The following CD151 variants were observed in gnomAD, a reference collection of about 807,000 sequenced individuals.
CD151 encodes the protein CD151 molecule (Raph blood group).
Under a neutral mutation model 34.2 loss-of-function variants are expected in CD151, and 20 were observed. That is an observed-to-expected ratio of 0.58 (90% CI 0.41 to 0.85). The LOEUF (loss-of-function observed/expected upper bound fraction) is 0.85. Ranked by LOEUF, CD151 falls within the 40% of genes least tolerant of loss-of-function variation. The probability of loss-of-function intolerance (pLI) is 0.00; values close to 1 mark genes in which losing one functional copy is unlikely to be tolerated. For synonymous variants in CD151, 157 were observed against 131.7 expected, an observed-to-expected ratio of 1.19 and a Z score of -1.32; for missense variants, 306 against 324.5, an observed-to-expected ratio of 0.94 and a Z score of 0.44.
rs759405745 is a variant in CD151 at position 838,191 on chromosome 11, G to A, written c.761G>A (p.Ter254=). ...LYRSLKLEHY[*] Reference sequence around the variant, plus strand: ...AGGAGTCTCAAGCTGGAGCACTACTGACCCTGCCTTGGGCCTTGCTGCTGC... The same window carrying A: ...AGGAGTCTCAAGCTGGAGCACTACTAACCCTGCCTTGGGCCTTGCTGCTGC... The change falls in exon 9 of 9, where the codon TGA becomes TAA. Residue 254 remains the stop codon, a stop_retained_variant. Coordinates refer to ENST00000397420, the MANE Select transcript of CD151 (RefSeq NM_004357.5). The A allele has an allele frequency of 8.1e-6, 13 of 1,612,488 alleles. No homozygotes were observed. Among genetic ancestry groups the A allele is most frequent in the Non-Finnish European group, 1.1e-5 (13 of 1,179,426 alleles).
At position 836,396 on chromosome 11, in the gene CD151, T is replaced by C. The variant is rs1846768861; in HGVS notation, c.230T>C (p.Leu77Ser). The change falls in exon 4 of 9, where the codon TTG (leucine) becomes TCG (serine). Residue 77 changes from leucine to serine, a missense_variant. Physicochemically the swap from Leu to Ser is moderately radical, Grantham distance 145 (BLOSUM62 -2). Transcript: ENST00000397420. ...AGTVVMVTGV[L>S]GCCATFKERR... ...ACTGTCGTCATGGTGACTGGGGTCT[T>C]GGGCTGCTGCGCCACCTTCAAGGAG... is the stretch of plus-strand genomic sequence containing the variant. 3.7e-6 allele frequency: 6 copies of C among 1,611,990 alleles called. No homozygotes were observed. The highest frequency in any genetic ancestry group is 1.7e-5 in the Admixed American group (1 of 59,992).
At chr11:837,914 G>C in intron 7 of CD151, 28 bp from the exon 8 acceptor site, 1 of 1,576,652 alleles carries the variant, frequency 6.3e-7, no homozygotes, top group Middle Eastern at 1.7e-4. Flanking sequence ...CCCTGGGCCC[G>C]CCTTCAACAC....
chr11:836,644 G>T, intron 4 of CD151, 125 bp from the exon 5 acceptor site: 1 of 950,898 alleles, frequency 1.1e-6, no homozygotes, highest in Non-Finnish European at 1.6e-6. Flanking sequence ...AAGCTTCAGG[G>T]AGGGTGGCCG....
rs200997452 is a variant in CD151 at position 837,976 on chromosome 11, A to G, written c.650A>G (p.Gln217Arg). 11 of 1,613,302 alleles carry G rather than the reference A, an allele frequency of 6.8e-6. No homozygotes were observed. Among genetic ancestry groups the G allele is most frequent in the Non-Finnish European group, 9.3e-6 (11 of 1,179,864 alleles). The change falls in exon 8 of 9, where the codon CAG (glutamine) becomes CGG (arginine). Residue 217 changes from glutamine (Q) to arginine (R), a missense_variant. By Grantham distance (43) the Gln-to-Arg change is conservative (BLOSUM62 1). Transcript: ENST00000397420. ...ATCACCAAGTTGGAGACCTTCATCC[A>G]GGAGCACCTGAGGGTCATTGGGGCT... ...GCITKLETFI[Q>R]EHLRVIGAVG...
chr11:836,928 C>T, intron 5 of CD151, 85 bp downstream of exon 5: 1 of 1,151,856 alleles, frequency 8.7e-7, no homozygotes, highest in Non-Finnish European at 1.3e-6. Context: ...TGGCTAGCCC[C>T]AACCCCCACC....
intron 2 of CD151, chr11:835,245 A>G (rs1565116560): frequency 6.6e-6 from 1 of 152,292 alleles, no homozygotes; most frequent in Non-Finnish European, 1.5e-5. Flanking sequence ...AGGAAGTGAC[A>G]CGTCCTGTTC....
intron 7 of CD151, 87 bp downstream of exon 7, chr11:837,705 C>A: frequency 7.3e-7 from 1 of 1,364,452 alleles, no homozygotes. Context: ...TGGGACACGC[C>A]TCCAATATCT....
At chr11:833,191 C>T (rs1313360221) in intron 1 of CD151, among the ~76,000 whole-genome samples, 165 bp downstream of exon 1, 12 of 142,888 alleles carry the variant, frequency 8.4e-5, no homozygotes, top group East Asian at 2.3e-4. Flanking sequence ...GCACCCACCG[C>T]CTGGCCCAGC....
At chr11:836,623 G>C in intron 4 of CD151, 146 bp from the exon 5 acceptor site, 1 of 872,546 alleles carries the variant, frequency 1.1e-6, no homozygotes, top group African/African-American at 1.7e-5. Context: ...GAAGACACCA[G>C]CTCCGCAAGA....
At chr11:835,385 C>T (rs1846716115) in intron 2 of CD151, 1 of 152,364 alleles carries the variant, frequency 6.6e-6, no homozygotes, top group African/African-American at 2.4e-5. Flanking sequence ...GTCGCCCAGC[C>T]TGGAGTGCAG....
Position 838,493 on chromosome 11 carries a change from C to G in CD151, c.*301C>G. On this transcript the variant is annotated 3_prime_UTR_variant, in exon 9 of 9. Coordinates refer to ENST00000397420, the MANE Select transcript of CD151 (RefSeq NM_004357.5). Reference sequence around the variant, plus strand: ...TGAGTGGCGCAAGGCCGAGCGTTCCCAGCAGGGGGAGAAACCCTTCACACC... The same window carrying G: ...TGAGTGGCGCAAGGCCGAGCGTTCCGAGCAGGGGGAGAAACCCTTCACACC... The G allele has an allele frequency of 1.9e-6, 1 of 530,638 alleles. No homozygotes were observed. The highest frequency in any genetic ancestry group is 3.4e-6 in the Non-Finnish European group (1 of 295,974). 32.9% of individuals were successfully genotyped at this position (530,638 alleles called of 1,614,324 possible).
At chr11:835,986 CCT>C (rs1006170405) in intron 2 of CD151, 75 bp from the exon 3 acceptor site, 10 of 862,532 alleles carry the variant, frequency 1.2e-5, no homozygotes, top group African/African-American at 1.2e-4. Context: ...CGCGCCTGGC[CCT>C]GTGTCCCCTC....
In CD151 at chr11:833,529, C is replaced by G. The variant is rs574922609; in HGVS notation, c.-70+503C>G. Among the ~76,000 whole-genome samples the G allele has an allele frequency of 2.2e-4, 34 of 152,354 alleles. No individual in the cohort carries two copies. In the East Asian group the frequency reaches 6.4e-3, roughly 29 times the overall value. ...GGCGCGGAGTCCCAGGTCCCCCTGACTGGGGCTCCCCCTGATAGGGCGCGG... is the reference window on the plus strand; with the variant it reads ...GGCGCGGAGTCCCAGGTCCCCCTGAGTGGGGCTCCCCCTGATAGGGCGCGG... On this transcript the variant is annotated intron_variant, in intron 1 of 8. Transcript: ENST00000397420.
intron 1 of CD151, among the ~76,000 whole-genome samples, chr11:833,785 T>TCACACATCCCCCCCTCGGTGGCAGA (rs1846635718): frequency 8.6e-5 from 9 of 104,140 alleles, no homozygotes; most frequent in African/African-American, 2.5e-4. Flanking sequence ...CTTGAGGGGC[T>TCACACATCCCCCCCTCGGTGGCAGA]CACACATCCC....
chr11:833,098 G>C lies in CD151; in HGVS notation c.-70+72G>C, dbSNP rs1311786296. Reference sequence around the variant, plus strand: ...GAGGGGGGCGAGGGGCGCGAGGGGGGCGAGGGGCGCGAGGGGGCCGAAGGC... The same window carrying C: ...GAGGGGGGCGAGGGGCGCGAGGGGGCCGAGGGGCGCGAGGGGGCCGAAGGC... On this transcript the variant is annotated intron_variant, in intron 1 of 8. Coordinates refer to ENST00000397420, the MANE Select transcript of CD151 (RefSeq NM_004357.5). 6.0e-5 allele frequency: 9 copies of C among 150,240 alleles called. No individual in the cohort carries two copies. The East Asian group carries it at 1.8e-3, about 29-fold the overall frequency. The allele number at this position is 150,240 out of a possible 1,614,324, so 9.3% of individuals were successfully genotyped here. A position where few individuals can be genotyped will look rare whatever the true frequency, so the allele number is the denominator to read the frequency against.
In CD151 at chr11:838,712, ACT is replaced by A; in HGVS notation, c.*521_*522del. On this transcript the variant is annotated 3_prime_UTR_variant, in exon 9 of 9. Transcript: ENST00000397420. ...CCGAAATGCCACGTGGTCACTGTGC[ACT>A]GCCCTGTTCATGTGCCTCTGCGGGG... is the stretch of plus-strand genomic sequence containing the variant. The A allele has an allele frequency of 5.3e-6, 1 of 188,452 alleles. No individual in the cohort carries two copies. Among genetic ancestry groups the A allele is most frequent in the Non-Finnish European group, 1.1e-5 (1 of 89,826 alleles). The allele number at this position is 188,452 out of a possible 1,614,324, so 11.7% of individuals were successfully genotyped here.
Position 838,693 on chromosome 11 carries a change from TGCCA to T in CD151, c.*502_*505del. 5.0e-6 allele frequency: 1 copy of T among 199,976 alleles called. No individual in the cohort carries two copies. Among genetic ancestry groups the T allele is most frequent in the Non-Finnish European group, 1.0e-5 (1 of 96,820 alleles). The allele number at this position is 199,976 out of a possible 1,614,324, so 12.4% of individuals were successfully genotyped here. On this transcript the variant is annotated 3_prime_UTR_variant, in exon 9 of 9. Transcript: ENST00000397420. ...CCACCGCAGTCACCACCACCCGAAA[TGCCA>T]CGTGGTCACTGTGCACTGCCCTGTT...
Position 838,257 on chromosome 11 carries a change from C to A in CD151, c.*65C>A. On this transcript the variant is annotated 3_prime_UTR_variant, in exon 9 of 9. Transcript: ENST00000397420. ...AGCTGAGACCACTGAGTACCAGGGG[C>A]TGGGCTCCCTGATGACACCCACCCT... 2 of 1,370,906 alleles carry A rather than the reference C, an allele frequency of 1.5e-6. No homozygotes were observed. Among genetic ancestry groups the A allele is most frequent in the Non-Finnish European group, 2.1e-6 (2 of 961,096 alleles). The allele number at this position is 1,370,906 out of a possible 1,614,324, so 84.9% of individuals were successfully genotyped here.
rs748990514 is a variant in CD151, at chr11:838,276, C to A, written c.*84C>A. 2.7e-6 allele frequency: 3 copies of A among 1,111,402 alleles called. No homozygotes were observed. Among genetic ancestry groups the A allele is most frequent in the Admixed American group, 1.7e-5 (1 of 57,526 alleles). The allele number at this position is 1,111,402 out of a possible 1,614,324, so 68.8% of individuals were successfully genotyped here. Reference sequence around the variant, plus strand: ...CAGGGGCTGGGCTCCCTGATGACACCCACCCTGTGCCATCACCATAACCTC... The same window carrying A: ...CAGGGGCTGGGCTCCCTGATGACACACACCCTGTGCCATCACCATAACCTC... On this transcript the variant is annotated 3_prime_UTR_variant, in exon 9 of 9. Coordinates refer to ENST00000397420, the MANE Select transcript of CD151 (RefSeq NM_004357.5).
Sources: gnomAD v4.1 joint callset for allele counts (sites outside exome capture counted in the v4.1 genomes callset) on GRCh38, gnomAD v4.1.1 for gene constraint, MANE v1.5 for transcripts, NCBI Gene and HGNC (gene_info 2026-07-23, HGNC 2026-07-21) for gene names.